Variants in FRAS1 observed in about 807,000 individuals in gnomAD.
The protein encoded by FRAS1 is extracellular matrix organizing protein FRAS1.
Under a neutral mutation model 435.2 loss-of-function variants are expected in FRAS1, and 290 were observed. The ratio of observed to expected loss-of-function variants is 0.67; its 90% confidence interval spans 0.61 to 0.73. The LOEUF (loss-of-function observed/expected upper bound fraction) is 0.73. Ranked by LOEUF, FRAS1 falls within the 30% of genes least tolerant of loss-of-function variation. The pLI is 0.00. For synonymous variants in FRAS1, 1,800 were observed against 1,851.0 expected (o/e 0.97, Z 0.71); for missense variants, 4,860 against 5,001.5 (o/e 0.97, Z 0.85).
chr4:78,218,277 A>G lies in FRAS1; in HGVS notation c.109-19233A>G, dbSNP rs935215461. On this transcript the variant is annotated intron_variant, in intron 2 of 73. Coordinates refer to ENST00000512123, the MANE Select transcript of FRAS1 (RefSeq NM_025074.7). ...GAGGGGAACTATCTCAGAAGGGTCTATGCTTGAAATACAGCACACTAGGCT... is the reference window on the plus strand; with the variant it reads ...GAGGGGAACTATCTCAGAAGGGTCTGTGCTTGAAATACAGCACACTAGGCT... Among the ~76,000 whole-genome samples the G allele has an allele frequency of 4.9e-4, 75 of 151,540 alleles. 1 individual carries two copies. Among genetic ancestry groups the G allele is most frequent in the Non-Finnish European group, 2.9e-4 (20 of 67,956 alleles).
intron 14 of FRAS1, among the ~76,000 whole-genome samples, chr4:78,303,556 G>C (rs182131036): frequency 2.6e-5 from 4 of 151,814 alleles, no homozygotes; most frequent in Admixed American, 2.6e-4. Flanking sequence ...TGTAGTTCTT[G>C]AAGAGGTCCT....
chr4:78,409,960 C>T (rs1733268703), intron 31 of FRAS1, among the ~76,000 whole-genome samples: 1 of 152,152 alleles, frequency 6.6e-6, no homozygotes, highest in Non-Finnish European at 1.5e-5. Flanking sequence ...ATTTGGAAAC[C>T]ATTAAAATGA....
intron 37 of FRAS1, among the ~76,000 whole-genome samples, chr4:78,431,490 A>G (rs944669640): frequency 3.9e-5 from 6 of 152,252 alleles, no homozygotes; most frequent in Admixed American, 3.9e-4. Context: ...CAGAAGGCTT[A>G]GAAGATGAAT....
At chr4:78,410,965 G>T (rs115949508) in intron 31 of FRAS1, among the ~76,000 whole-genome samples, 3,047 of 152,240 alleles carry the variant, frequency 0.02, 103 homozygotes, top group African/African-American at 0.069. Flanking sequence ...AGGTGCTAAC[G>T]TAAGTGGTTA....
chr4:78,283,622 G>A (rs753447153), intron 12 of FRAS1, among the ~76,000 whole-genome samples: 16 of 152,064 alleles, frequency 1.1e-4, no homozygotes, highest in Non-Finnish European at 1.9e-4. Flanking sequence ...ATAATTAATT[G>A]TTTTCATTCA....
In FRAS1 at chr4:78,118,911, C is replaced by G. The variant is rs557662431; in HGVS notation, c.108+52895C>G. On this transcript the variant is annotated intron_variant, in intron 2 of 73. Transcript: ENST00000512123. ...GAAATCACCCGTCTTCTGCATCACT[C>G]ACGCTGGGAGCTGTAGACTGGAGCT... is the stretch of plus-strand genomic sequence containing the variant. 3.3e-5 allele frequency among the ~76,000 whole-genome samples: 5 copies of G among 152,332 alleles called. No individual in the cohort carries two copies. The East Asian group carries it at 9.6e-4, about 29-fold the overall frequency.
intron 2 of FRAS1, among the ~76,000 whole-genome samples, chr4:78,114,637 A>G (rs201700530): frequency 1.2e-4 from 18 of 151,914 alleles, no homozygotes; most frequent in African/African-American, 3.4e-4. Flanking sequence ...TTTGTCTGTT[A>G]TTGGTGTATA....
intron 26 of FRAS1, among the ~76,000 whole-genome samples, chr4:78,378,394 A>G (rs1397806485): frequency 6.6e-6 from 1 of 152,186 alleles, no homozygotes; most frequent in Non-Finnish European, 1.5e-5. Context: ...ACATTTGTGT[A>G]CAAGTTTTGT....
intron 3 of FRAS1, among the ~76,000 whole-genome samples, chr4:78,239,879 A>G (rs1331521930): frequency 2.0e-5 from 3 of 152,114 alleles, no homozygotes; most frequent in Non-Finnish European, 2.9e-5. Flanking sequence ...TTCTGTGTAA[A>G]ATTGCAAATC....
intron 2 of FRAS1, among the ~76,000 whole-genome samples, chr4:78,194,532 T>A (rs1722708439): frequency 6.6e-6 from 1 of 152,254 alleles, no homozygotes; most frequent in Admixed American, 6.5e-5. Flanking sequence ...TGATCTTCCA[T>A]CACTGATACC....
In FRAS1 at chr4:78,237,505, T is replaced by C. The variant is rs752882665; in HGVS notation, c.109-5T>C. Reference sequence around the variant, plus strand: ...TTTTAAATCAGAGCTTATGCCTCTTTACAGGATGCCACAATTTGGAAGCCC... The same window carrying C: ...TTTTAAATCAGAGCTTATGCCTCTTCACAGGATGCCACAATTTGGAAGCCC... On this transcript the variant is annotated splice_region_variant and splice_polypyrimidine_tract_variant and intron_variant, in intron 2 of 73. Coordinates refer to ENST00000512123, the MANE Select transcript of FRAS1 (RefSeq NM_025074.7). 1.2e-6 allele frequency: 2 copies of C among 1,611,076 alleles called. No individual in the cohort carries two copies. The highest frequency in any genetic ancestry group is 1.3e-5 in the African/African-American group (1 of 74,946).
chr4:78,372,804 G>A lies in FRAS1; in HGVS notation c.2956G>A (p.Ala986Thr), dbSNP rs111554790. 467 of 1,613,102 alleles carry A rather than the reference G, an allele frequency of 2.9e-4. 6 individuals are homozygous for A. The African/African-American group carries it at 3.4e-3, about 12-fold the overall frequency. ...GGATGGCTATGTTCTCCAGGATGGGGCCTGCGTGGAGCAGTGCTTGTCATC... is the reference window on the plus strand; with the variant it reads ...GGATGGCTATGTTCTCCAGGATGGGACCTGCGTGGAGCAGTGCTTGTCATC... The part of the protein sequence containing the change: ...CMDGYVLQDG[A>T]CVEQCLSSFY... The change falls in exon 24 of 74, where the codon GCC becomes ACC. Residue 986 changes from alanine to threonine, a missense_variant. Physicochemically the swap from Ala to Thr is moderately conservative, Grantham distance 58 (BLOSUM62 0). Coordinates refer to ENST00000512123, the MANE Select transcript of FRAS1 (RefSeq NM_025074.7).
At chr4:78,307,453 C>T (rs978449494) in intron 14 of FRAS1, among the ~76,000 whole-genome samples, 20 of 152,338 alleles carry the variant, frequency 1.3e-4, no homozygotes, top group Admixed American at 1.3e-4. Context: ...GCGGGCGCCC[C>T]TCCCCCAGCC....
At chr4:78,364,809 A>C (rs530756261) in intron 22 of FRAS1, among the ~76,000 whole-genome samples, 1 of 152,378 alleles carries the variant, frequency 6.6e-6, no homozygotes, top group African/African-American at 2.4e-5. Context: ...AATGATGGTT[A>C]ACAAATATAG....
chr4:78,535,544 A>T (rs1209106839), intron 71 of FRAS1, among the ~76,000 whole-genome samples: 2 of 152,064 alleles, frequency 1.3e-5, no homozygotes, highest in African/African-American at 4.8e-5. Context: ...ATGTGCCCCA[A>T]CCAAAAATCT....
At chr4:78,224,454 T>A (rs1724186315) in intron 2 of FRAS1, among the ~76,000 whole-genome samples, 1 of 152,218 alleles carries the variant, frequency 6.6e-6, no homozygotes, top group African/African-American at 2.4e-5. Context: ...ATATGTATAT[T>A]ATACCAATAA....
intron 2 of FRAS1, among the ~76,000 whole-genome samples, chr4:78,129,937 GC>G (rs1430631485): frequency 6.6e-6 from 1 of 151,906 alleles, no homozygotes; most frequent in East Asian, 1.9e-4. Context: ...GCTGCCCCTG[GC>G]CCCAATTTGA....
At chr4:78,504,801 T>G (rs1578362594) in intron 61 of FRAS1, among the ~76,000 whole-genome samples, 1 of 152,224 alleles carries the variant, frequency 6.6e-6, no homozygotes, top group East Asian at 1.9e-4. Flanking sequence ...CATTAATTGA[T>G]GCAGTTTCTT....
Position 78,445,728 on chromosome 4 carries a change from GTT to G in FRAS1, c.5856+17_5856+18del. 3.1e-6 allele frequency: 5 copies of G among 1,613,658 alleles called. No individual in the cohort carries two copies. The highest frequency in any genetic ancestry group is 4.2e-6 in the Non-Finnish European group (5 of 1,179,682). ...CACCATTGAGGTAAAGACTTTGGAA[GTT>G]GGAAAGGTTGAGCCCTTGACCACAA... On this transcript the variant is annotated intron_variant, in intron 42 of 73. Transcript: ENST00000512123.
Sources: allele counts gnomAD v4.1 joint callset (sites outside exome capture counted in the v4.1 genomes callset), GRCh38; gene constraint gnomAD v4.1.1; transcripts MANE v1.5; gene names NCBI Gene and HGNC (gene_info 2026-07-23, HGNC 2026-07-21).